The following TMEM106A variants were observed in gnomAD, a reference collection of about 807,000 sequenced individuals.
The protein encoded by TMEM106A is transmembrane protein 106A.
TMEM106A carries 22 observed loss-of-function variants against 25.1 expected under a neutral mutation model. The observed-to-expected ratio is 0.88, with a 90% CI of 0.63 to 1.25. The LOEUF (loss-of-function observed/expected upper bound fraction) is 1.25, where lower values mean the gene tolerates loss of function less well. Ranked by LOEUF, TMEM106A falls within the 50% of genes most tolerant of loss-of-function variation. The pLI, the probability that TMEM106A is intolerant of heterozygous loss-of-function variation, is 0.00. For missense variants in TMEM106A, 275 were observed against 318.1 expected (o/e 0.86, Z 1.03); for synonymous variants, 104 against 129.9 (o/e 0.80, Z 1.35).
chr17:43,216,608 G>T lies in TMEM106A; in HGVS notation c.570+19G>T, dbSNP rs909140409. The stretch of plus-strand genomic sequence containing the variant: ...TGAACAGGTGACTCCCCTCTCCCTG[G>T]CCAGCCCTGCCCACTGGTGTGTGGA... On this transcript the variant is annotated intron_variant, in intron 6 of 8. Coordinates refer to ENST00000612339, the MANE Select transcript of TMEM106A (RefSeq NM_145041.4). 6.2e-7 allele frequency: 1 copy of T among 1,614,090 alleles called. No individual in the cohort carries two copies. Among genetic ancestry groups the T allele is most frequent in the East Asian group, 2.2e-5 (1 of 44,874 alleles).
rs149827536 is a variant in TMEM106A at position 43,216,722 on chromosome 17, T to C, written c.596T>C (p.Ile199Thr). 5 of 1,614,234 alleles carry C rather than the reference T, an allele frequency of 3.1e-6. No homozygotes were observed. The African/African-American group carries it at 6.7e-5, about 22-fold the overall frequency. ...ATGTTTTACGCAGTAGCTACCAAGA[T>C]ACGGGATGAAAACACATAGTGAGTA... ...EQMFYAVATK[I>T]RDENTYKICT... is the part of the protein sequence containing the mutation. The change falls in exon 7 of 9, where the codon ATA becomes ACA. Residue 199 changes from isoleucine (I) to threonine (T), a missense_variant. By Grantham distance (89) the Ile-to-Thr change is moderately conservative (BLOSUM62 -1). Coordinates refer to ENST00000612339, the MANE Select transcript of TMEM106A (RefSeq NM_145041.4).
Position 43,217,824 on chromosome 17 carries a change from C to T in TMEM106A, c.*23C>T. ...TGACCTGTCTGCTGTCCCTGTACTC[C>T]AGGCACCTGCAACCCTGGTCTATAT... On this transcript the variant is annotated 3_prime_UTR_variant, in exon 9 of 9. Transcript: ENST00000612339. The T allele has an allele frequency of 6.2e-7, 1 of 1,613,766 alleles. No homozygotes were observed. Among genetic ancestry groups the T allele is most frequent in the Non-Finnish European group, 8.5e-7 (1 of 1,179,804 alleles).
intron 3 of TMEM106A, among the ~76,000 whole-genome samples, chr17:43,213,612 A>G (rs2057457422): frequency 1.3e-5 from 2 of 152,166 alleles, no homozygotes; most frequent in Admixed American, 1.3e-4. Context: ...CTTCATACCT[A>G]TTAGTGGAAA....
In TMEM106A at chr17:43,215,880, C is replaced by G; in HGVS notation, c.368C>G (p.Pro123Arg). 3.1e-6 allele frequency: 5 copies of G among 1,614,144 alleles called. No homozygotes were observed. Among genetic ancestry groups the G allele is most frequent in the Non-Finnish European group, 4.2e-6 (5 of 1,180,034 alleles). The change falls in exon 5 of 9, where the codon CCT becomes CGT. Residue 123 changes from proline (P) to arginine (R), a missense_variant. Transcript: ENST00000612339. ...TTTCCCCGGTCCGTCATTGTGCAGC[C>G]TGCAGGCCTCAACTCCTCCACAGTG... is the stretch of plus-strand genomic sequence containing the variant. Reference protein sequence around the residue: ...FLFPRSVIVQPAGLNSSTVAF... With the variant: ...FLFPRSVIVQRAGLNSSTVAF...
chr17:43,213,052 C>T lies in TMEM106A; in HGVS notation c.11C>T (p.Thr4Met), dbSNP rs1259211822. 5 of 1,614,086 alleles carry T rather than the reference C, an allele frequency of 3.1e-6. No homozygotes were observed. The highest frequency in any genetic ancestry group is 1.1e-5 in the South Asian group (1 of 91,086). The change falls in exon 3 of 9, where the codon ACG becomes ATG. Residue 4 changes from threonine (T) to methionine (M), a missense_variant. Thr to Met is a moderately conservative substitution (Grantham distance 81). Transcript: ENST00000612339. The part of the protein sequence containing the change: MGK[T>M]FSQLGSWRED... The stretch of plus-strand genomic sequence containing the variant: ...CCCCGCCCCTGAAGAATGGGTAAGA[C>T]GTTTTCCCAGCTGGGCTCTTGGCGG...
rs1426828496 is a variant in TMEM106A, at chr17:43,219,972, G to T, written c.*2171G>T. ...CCAGGGAAGCCAGGCTGGAGCTGCT[G>T]TGTATAGACTGCCAAATGTGAAGTA... On this transcript the variant is annotated 3_prime_UTR_variant, in exon 9 of 9. Transcript: ENST00000612339. 6.6e-6 allele frequency: 1 copy of T among 152,250 alleles called. No individual in the cohort carries two copies. Among genetic ancestry groups the T allele is most frequent in the Non-Finnish European group, 1.5e-5 (1 of 68,092 alleles). 9.4% of individuals were successfully genotyped at this position (152,250 alleles called of 1,614,324 possible).
rs1399888597 is a variant in TMEM106A at position 43,216,601 on chromosome 17, C to T, written c.570+12C>T. On this transcript the variant is annotated intron_variant, in intron 6 of 8. Transcript: ENST00000612339. ...TGGCCAGTGAACAGGTGACTCCCCT[C>T]TCCCTGGCCAGCCCTGCCCACTGGT... 6.2e-7 allele frequency: 1 copy of T among 1,614,184 alleles called. No individual in the cohort carries two copies. The highest frequency in any genetic ancestry group is 1.1e-5 in the South Asian group (1 of 91,086).
intron 8 of TMEM106A, 136 bp downstream of exon 8, chr17:43,217,448 C>A: frequency 3.8e-6 from 5 of 1,301,418 alleles, no homozygotes; most frequent in South Asian, 1.3e-5. Context: ...GCAAGTCTAG[C>A]CCCTTTTCTG....
In TMEM106A at chr17:43,213,849, C is replaced by T. The variant is rs772829579; in HGVS notation, c.233C>T (p.Ala78Val). The change falls in exon 4 of 9, where the codon GCT becomes GTT. Residue 78 changes from alanine (A) to valine (V), a missense_variant. Transcript: ENST00000612339. ...IPQELEKQLVALIPYGDQRLK... is the reference protein window; with the variant it reads ...IPQELEKQLVVLIPYGDQRLK... The stretch of plus-strand genomic sequence containing the variant: ...CTAGAGCTGGAGAAGCAGTTGGTGG[C>T]TCTCATTCCCTATGGGGACCAGAGG... 76 of 1,614,088 alleles carry T rather than the reference C, an allele frequency of 4.7e-5. 1 individual carries two copies. The South Asian group carries it at 7.9e-4, about 17-fold the overall frequency.
intron 3 of TMEM106A, 146 bp from the exon 4 acceptor site, chr17:43,213,682 T>C: frequency 1.3e-6 from 1 of 755,664 alleles, no homozygotes; most frequent in Non-Finnish European, 2.2e-6. Context: ...CAGAGTCCAG[T>C]GCTTCCAGTC....
intron 4 of TMEM106A, 102 bp downstream of exon 4, chr17:43,213,993 C>A: frequency 1.6e-6 from 2 of 1,248,652 alleles, no homozygotes; most frequent in East Asian, 2.4e-5. Context: ...CCTATTAGTT[C>A]TTCCATAGAA....
At chr17:43,215,573 A>G (rs2057477041) in intron 4 of TMEM106A, among the ~76,000 whole-genome samples, 1 of 152,166 alleles carries the variant, frequency 6.6e-6, no homozygotes, top group Non-Finnish European at 1.5e-5. Context: ...TTATTGGGTC[A>G]ATGGGAACAG....
At chr17:43,214,073 G>C in intron 4 of TMEM106A, 182 bp downstream of exon 4, 1 of 606,828 alleles carries the variant, frequency 1.6e-6, no homozygotes. Context: ...CTCCTGGACC[G>C]GGTGTGGTGG....
chr17:43,214,188 C>CAAAAAAA (rs1171744040), intron 4 of TMEM106A, among the ~76,000 whole-genome samples: 1 of 50,916 alleles, frequency 2.0e-5, no homozygotes, highest in African/African-American at 7.6e-5. Flanking sequence ...CCATCTCTAT[C>CAAAAAAA]AAAAAAAAAA....
intron 3 of TMEM106A, among the ~76,000 whole-genome samples, chr17:43,213,582 G>C (rs2057457146): frequency 6.6e-6 from 1 of 152,186 alleles, no homozygotes; most frequent in South Asian, 2.1e-4. Context: ...TCTCTGATTT[G>C]CTGGTGACTT....
At position 43,213,869 on chromosome 17, in the gene TMEM106A, C is replaced by T. The variant is rs866965191; in HGVS notation, c.253C>T (p.Gln85Ter). 8 of 1,614,070 alleles carry T rather than the reference C, an allele frequency of 5.0e-6. No homozygotes were observed. In the African/African-American group the frequency reaches 1.1e-4, roughly 22 times the overall value. The change falls in exon 4 of 9, where the codon CAG (glutamine) becomes TAG (stop). Residue 85 changes from glutamine (Q) to a stop codon, truncating the protein, a stop_gained. Coordinates refer to ENST00000612339, the MANE Select transcript of TMEM106A (RefSeq NM_145041.4). LOFTEE classifies it high-confidence loss of function. ...GGTGGCTCTCATTCCCTATGGGGAC[C>T]AGAGGCTGAAGCCCAAGCACACGTA... ...QLVALIPYGD[Q>*]RLKPKHTKLF... is the part of the protein sequence containing the mutation.
rs2057459237 is a variant in TMEM106A at position 43,213,838 on chromosome 17, G to A, written c.222G>A (p.Lys74=). Residue 74 remains lysine (K), a synonymous_variant, in exon 4 of 9, where the codon AAG becomes AAA. Coordinates refer to ENST00000612339, the MANE Select transcript of TMEM106A (RefSeq NM_145041.4). ...GSGKIPQELE[K]QLVALIPYGD... ...CTTCTCTCTCTCTAGAGCTGGAGAAGCAGTTGGTGGCTCTCATTCCCTATG... is the reference window on the plus strand; with the variant it reads ...CTTCTCTCTCTCTAGAGCTGGAGAAACAGTTGGTGGCTCTCATTCCCTATG... The A allele has an allele frequency of 6.2e-7, 1 of 1,614,108 alleles. No homozygotes were observed. Among genetic ancestry groups the A allele is most frequent in the African/African-American group, 1.3e-5 (1 of 74,926 alleles).
rs1327517841 is a variant in TMEM106A, at chr17:43,215,838, T to C, written c.326T>C (p.Phe109Ser). The stretch of plus-strand genomic sequence containing the variant: ...CTCATCTGCCTGGTGACCTCCTCCT[T>C]CATCGTCTTTTTCCTGTTTCCCCGG... ...AVLICLVTSS[F>S]IVFFLFPRSV... Residue 109 changes from phenylalanine to serine, a missense_variant, in exon 5 of 9, where the codon TTC (phenylalanine) becomes TCC (serine). Phe to Ser is a radical substitution (Grantham distance 155). Coordinates refer to ENST00000612339, the MANE Select transcript of TMEM106A (RefSeq NM_145041.4). 1.2e-6 allele frequency: 2 copies of C among 1,614,118 alleles called. No homozygotes were observed. The highest frequency in any genetic ancestry group is 1.7e-5 in the Admixed American group (1 of 60,012).
intron 6 of TMEM106A, 54 bp downstream of exon 6, chr17:43,216,643 G>A: frequency 6.2e-7 from 1 of 1,614,184 alleles, no homozygotes; most frequent in Non-Finnish European, 8.5e-7. Flanking sequence ...ATGTGTGGTA[G>A]TGGGAAAGGG....
Sources: allele counts gnomAD v4.1 joint callset (sites outside exome capture counted in the v4.1 genomes callset), GRCh38; gene constraint gnomAD v4.1.1; transcripts MANE v1.5; gene names NCBI Gene and HGNC (gene_info 2026-07-23, HGNC 2026-07-21).